The following ADGRL3 variants were observed in gnomAD, a reference collection of about 807,000 sequenced individuals.
ADGRL3 encodes calcium-independent alpha-latrotoxin receptor 3.
Under a neutral mutation model 153.5 loss-of-function variants are expected in ADGRL3, and 62 were observed. The observed-to-expected ratio is 0.40, with a 90% confidence interval of 0.33 to 0.50. The LOEUF is 0.50. Among genes scored for constraint, ADGRL3 ranks in the 20% least tolerant of loss-of-function variants. ADGRL3 has a pLI of 0.47. For synonymous variants in ADGRL3, 710 were observed against 672.5 expected (o/e 1.06, Z -0.86); for missense variants, 1,641 against 1,859.4 (o/e 0.88, Z 2.16).
At chr4:62,028,944 CAG>C in intron 22 of ADGRL3, 63 bp downstream of exon 22, 1 of 1,396,488 alleles carries the variant, frequency 7.2e-7, no homozygotes, top group Non-Finnish European at 1.0e-6. Flanking sequence ...AACCAGCTGT[CAG>C]ATCAGTACTG....
At chr4:61,614,888 C>G (rs2091821187) in intron 5 of ADGRL3, among the ~76,000 whole-genome samples, 1 of 151,982 alleles carries the variant, frequency 6.6e-6, no homozygotes, top group Non-Finnish European at 1.5e-5. Context: ...AGCATAGAGA[C>G]TTTGGATTTT....
At chr4:61,864,570 A>G (rs1051320831) in intron 9 of ADGRL3, among the ~76,000 whole-genome samples, 5 of 152,182 alleles carry the variant, frequency 3.3e-5, no homozygotes, top group Non-Finnish European at 1.5e-5. Flanking sequence ...CTTACTGCCA[A>G]AAACACATGC....
rs191624820 is a variant in ADGRL3 at position 61,898,406 on chromosome 4, A to C, written c.1887+2572A>C. Among the ~76,000 whole-genome samples the C allele has an allele frequency of 2.7e-3, 414 of 152,228 alleles. 3 individuals are homozygous for C. The highest frequency in any genetic ancestry group is 9.5e-3 in the African/African-American group (395 of 41,546). On this transcript the variant is annotated intron_variant, in intron 11 of 26. Coordinates refer to ENST00000683033, the MANE Select transcript of ADGRL3 (RefSeq NM_001387552.1). ...GTGAGTTTAGGAGCAGAGTTTTAAC[A>C]GGCAAAAGAAGAGAAAGGAGAACAA...
intron 9 of ADGRL3, among the ~76,000 whole-genome samples, chr4:61,878,509 A>T (rs1561404738): frequency 6.6e-6 from 1 of 152,218 alleles, no homozygotes; most frequent in East Asian, 1.9e-4. Context: ...TTTTGAAATA[A>T]CATTTTTTTG....
Position 62,007,617 on chromosome 4 carries a change from C to G in ADGRL3, c.3395+9352C>G, listed in dbSNP as rs367667218. Reference sequence around the variant, plus strand: ...GAGCCAGGATGTGGCTCCTGGCTCACTGCCTGTCTTCCTTCTCTTCCTGCC... The same window carrying G: ...GAGCCAGGATGTGGCTCCTGGCTCAGTGCCTGTCTTCCTTCTCTTCCTGCC... On this transcript the variant is annotated intron_variant, in intron 21 of 26. Coordinates refer to ENST00000683033, the MANE Select transcript of ADGRL3 (RefSeq NM_001387552.1). 6.6e-4 allele frequency among the ~76,000 whole-genome samples: 100 copies of G among 151,154 alleles called. No individual in the cohort carries two copies. The East Asian group carries it at 0.017, about 25-fold the overall frequency.
At chr4:61,465,154 G>A (rs335339) in intron 2 of ADGRL3, among the ~76,000 whole-genome samples, 140,513 of 152,186 alleles carry the variant, frequency 0.92, 65,926 homozygotes, top group East Asian at 1. Flanking sequence ...AGTTAATGCA[G>A]CAGTTTAAAG....
At chr4:61,310,669 G>T (rs184178856) in intron 1 of ADGRL3, among the ~76,000 whole-genome samples, 3 of 151,792 alleles carry the variant, frequency 2.0e-5, no homozygotes, top group Admixed American at 6.6e-5. Flanking sequence ...ATGTGAAAAT[G>T]ATGAGCACCC....
rs535049750 is a variant in ADGRL3 at position 61,330,939 on chromosome 4, T to C, written c.-239-52185T>C. On this transcript the variant is annotated intron_variant, in intron 1 of 26. Coordinates refer to ENST00000683033, the MANE Select transcript of ADGRL3 (RefSeq NM_001387552.1). The stretch of plus-strand genomic sequence containing the variant: ...CCCAGGAAGTCCAGCTGGCTTCACC[T>C]CTCAATGTGAGTCAATTTCATAAAT... 2.6e-5 allele frequency among the ~76,000 whole-genome samples: 4 copies of C among 152,286 alleles called. No homozygotes were observed. In the East Asian group the frequency reaches 7.8e-4, roughly 30 times the overall value.
intron 2 of ADGRL3, among the ~76,000 whole-genome samples, chr4:61,421,244 G>T (rs1445419895): frequency 6.6e-6 from 1 of 152,146 alleles, no homozygotes; most frequent in Non-Finnish European, 1.5e-5. Flanking sequence ...TGAGGCAGGA[G>T]AATGGTGTGA....
chr4:62,067,668 A>G (rs1743705320), intron 25 of ADGRL3, among the ~76,000 whole-genome samples: 1 of 152,124 alleles, frequency 6.6e-6, no homozygotes, highest in African/African-American at 2.4e-5. Context: ...GAAAAAATGA[A>G]CACAATTATG....
intron 25 of ADGRL3, among the ~76,000 whole-genome samples, chr4:62,046,571 A>C (rs1731232175): frequency 6.6e-6 from 1 of 151,982 alleles, no homozygotes; most frequent in African/African-American, 2.4e-5. Context: ...GTTTTAAAAG[A>C]TATTTCATAC....
At chr4:61,369,178 G>A (rs1479284043) in intron 1 of ADGRL3, among the ~76,000 whole-genome samples, 2 of 152,266 alleles carry the variant, frequency 1.3e-5, no homozygotes, top group East Asian at 1.9e-4. Context: ...TCTGCAAACA[G>A]GGACAATTTG....
chr4:61,421,833 T>G (rs2097211085), intron 2 of ADGRL3, among the ~76,000 whole-genome samples: 1 of 152,294 alleles, frequency 6.6e-6, no homozygotes, highest in African/African-American at 2.4e-5. Context: ...AAGATTTTAG[T>G]ATTTATTTTC....
At chr4:61,488,220 A>G (rs906396842) in intron 2 of ADGRL3, among the ~76,000 whole-genome samples, 1 of 152,074 alleles carries the variant, frequency 6.6e-6, no homozygotes. Context: ...TGAAACTTTT[A>G]TGCTAGAAAA....
At chr4:61,437,816 C>T (rs963178356) in intron 2 of ADGRL3, among the ~76,000 whole-genome samples, 1 of 152,100 alleles carries the variant, frequency 6.6e-6, no homozygotes, top group African/African-American at 2.4e-5. Context: ...ATGTTGTTTT[C>T]CCTGCCTTGG....
At chr4:61,539,661 C>T (rs1222527623) in intron 4 of ADGRL3, among the ~76,000 whole-genome samples, 1 of 152,120 alleles carries the variant, frequency 6.6e-6, no homozygotes, top group East Asian at 1.9e-4. Flanking sequence ...AGCCAGTGTA[C>T]CTGTCCAAGC....
At chr4:61,475,007 C>A (rs1412503656) in intron 2 of ADGRL3, among the ~76,000 whole-genome samples, 9 of 152,222 alleles carry the variant, frequency 5.9e-5, no homozygotes, top group East Asian at 5.8e-4. Flanking sequence ...AGAATGTGTG[C>A]ATCTCATAAC....
At chr4:61,533,966 C>T (rs1223636848) in intron 4 of ADGRL3, among the ~76,000 whole-genome samples, 3 of 151,934 alleles carry the variant, frequency 2.0e-5, no homozygotes, top group African/African-American at 7.2e-5. Context: ...GTGATGGTGA[C>T]ACAATTTTGA....
chr4:61,850,179 A>G (rs2098184727), intron 9 of ADGRL3, among the ~76,000 whole-genome samples: 1 of 152,132 alleles, frequency 6.6e-6, no homozygotes, highest in Non-Finnish European at 1.5e-5. Context: ...TACCATGGGT[A>G]TATGCATTGT....
Sources: allele counts gnomAD v4.1 joint callset (sites outside exome capture counted in the v4.1 genomes callset), GRCh38; gene constraint gnomAD v4.1.1; transcripts MANE v1.5; gene names NCBI Gene and HGNC (gene_info 2026-07-23, HGNC 2026-07-21).